ADCY2: variants seen among roughly 807,000 people sequenced by gnomAD.
The protein encoded by ADCY2 is adenylate cyclase 2, also known as adenylate cyclase type 2.
In ADCY2, 31 loss-of-function variants were observed where a neutral mutation model predicts 125.2. The ratio of observed to expected loss-of-function variants is 0.25; its 90% CI spans 0.19 to 0.33. The LOEUF is 0.33. Among genes scored for constraint, ADCY2 ranks in the 10% least tolerant of loss-of-function variants. ADCY2 has a pLI of 1.00. For synonymous variants in ADCY2, 512 were observed against 548.4 expected, an observed-to-expected ratio of 0.93 and a Z score of 0.93; for missense variants, 904 against 1,418.2, an observed-to-expected ratio of 0.64 and a Z score of 5.82.
chr5:7,492,712 T>G (rs1743206540), intron 2 of ADCY2, among the ~76,000 whole-genome samples: 1 of 151,432 alleles, frequency 6.6e-6, no homozygotes, highest in Non-Finnish European at 1.5e-5. Context: ...GTTAATGGAG[T>G]GACTTGCAGA....
intron 22 of ADCY2, among the ~76,000 whole-genome samples, chr5:7,804,970 A>G (rs1744711614): frequency 6.6e-6 from 1 of 152,144 alleles, no homozygotes; most frequent in African/African-American, 2.4e-5. Context: ...GATGAAAGCT[A>G]GTTATTTGAA....
At chr5:7,762,615 G>T (rs1743258877) in intron 16 of ADCY2, among the ~76,000 whole-genome samples, 1 of 152,234 alleles carries the variant, frequency 6.6e-6, no homozygotes, top group South Asian at 2.1e-4. Flanking sequence ...TTACCTACAT[G>T]CAGTTCAATG....
chr5:7,460,449 A>G (rs975298024), intron 2 of ADCY2, among the ~76,000 whole-genome samples: 1 of 152,154 alleles, frequency 6.6e-6, no homozygotes, highest in African/African-American at 2.4e-5. Context: ...CTCTTTTACT[A>G]TAGTTGTTTT....
intron 15 of ADCY2, chr5:7,749,728 T>G (rs1742742420): frequency 2.6e-5 from 4 of 152,166 alleles, no homozygotes; most frequent in Admixed American, 2.6e-4. Flanking sequence ...AATTTTTCTC[T>G]CAGTGTTGTT....
At chr5:7,699,081 A>ATTTTTTTTTTTTTTTTTTTTTT (rs561359357) in intron 7 of ADCY2, among the ~76,000 whole-genome samples, 1 of 37,964 alleles carries the variant, frequency 2.6e-5, no homozygotes, top group Non-Finnish European at 4.7e-5. Flanking sequence ...AACAGTAAGC[A>ATTTTTTTTTTTTTTTTTTTTTT]TTTTTTTTTT....
intron 4 of ADCY2, among the ~76,000 whole-genome samples, chr5:7,636,818 AGTG>A (rs1387159651): frequency 1.3e-5 from 2 of 152,166 alleles, no homozygotes; most frequent in Non-Finnish European, 2.9e-5. Flanking sequence ...GGTGGTCACC[AGTG>A]GCCTGGACAA....
intron 3 of ADCY2, 83 bp from the exon 4 acceptor site, chr5:7,626,084 T>A: frequency 1.4e-6 from 2 of 1,440,400 alleles, no homozygotes; most frequent in Non-Finnish European, 1.9e-6. Context: ...CTCTGAAGAC[T>A]GTTGCTAATG....
intron 3 of ADCY2, among the ~76,000 whole-genome samples, chr5:7,588,214 G>A (rs1421971676): frequency 6.6e-6 from 1 of 151,788 alleles, no homozygotes. Context: ...GGAATGTTTT[G>A]GAAAAAATTA....
At chr5:7,603,784 CTTTTTTTTTT>C in intron 3 of ADCY2, among the ~76,000 whole-genome samples, 44 of 62,806 alleles carry the variant, frequency 7.0e-4, no homozygotes, top group South Asian at 2.0e-3. Context: ...TGCTCTCTTT[CTTTTTTTTTT>C]TTTTTTTTTT....
At chr5:7,757,667 A>ATGGTAAGCCCCAGAGCATG (rs113634537) in intron 16 of ADCY2, 81 bp downstream of exon 16, 2 of 1,277,738 alleles carry the variant, frequency 1.6e-6, no homozygotes, top group African/African-American at 2.5e-5. Context: ...CCCAGACCAC[A>ATGGTAAGCCCCAGAGCATG]GCCGTGTTCA....
At chr5:7,593,425 C>CAGAAAAGGCGTGG (rs1354312923) in intron 3 of ADCY2, among the ~76,000 whole-genome samples, 1 of 152,130 alleles carries the variant, frequency 6.6e-6, no homozygotes, top group Non-Finnish European at 1.5e-5. Flanking sequence ...CGCATGCAAA[C>CAGAAAAGGCGTGG]AGAAAAGGCG....
At chr5:7,811,191 TG>T (rs1744932033) in intron 22 of ADCY2, among the ~76,000 whole-genome samples, 1 of 152,154 alleles carries the variant, frequency 6.6e-6, no homozygotes, top group Non-Finnish European at 1.5e-5. Context: ...GTGTCAGCAC[TG>T]GTGTTGCTTC....
intron 3 of ADCY2, among the ~76,000 whole-genome samples, chr5:7,563,551 A>G (rs1735794411): frequency 6.6e-6 from 1 of 152,184 alleles, no homozygotes. Flanking sequence ...CATTCATAGC[A>G]GTCCTAATCA....
At chr5:7,435,595 T>C (rs758042649) in intron 2 of ADCY2, among the ~76,000 whole-genome samples, 1 of 152,194 alleles carries the variant, frequency 6.6e-6, no homozygotes, top group Non-Finnish European at 1.5e-5. Flanking sequence ...CAAAACGATT[T>C]CTTATAGTTC....
intron 2 of ADCY2, among the ~76,000 whole-genome samples, chr5:7,416,321 G>A (rs771900595): frequency 5.9e-5 from 9 of 152,140 alleles, no homozygotes; most frequent in South Asian, 2.1e-4. Context: ...CCCGGCGGGC[G>A]CCATCACCTC....
chr5:7,764,809 G>T (rs554062432), intron 16 of ADCY2, among the ~76,000 whole-genome samples: 1 of 152,236 alleles, frequency 6.6e-6, no homozygotes, highest in East Asian at 1.9e-4. Context: ...GGTGGGCAAG[G>T]GATTAGTAAC....
At chr5:7,681,027 G>A (rs977307483) in intron 4 of ADCY2, among the ~76,000 whole-genome samples, 1 of 152,218 alleles carries the variant, frequency 6.6e-6, no homozygotes, top group African/African-American at 2.4e-5. Flanking sequence ...AGCTACAGCA[G>A]AAGAACACCT....
intron 2 of ADCY2, among the ~76,000 whole-genome samples, chr5:7,429,099 T>C: frequency 6.6e-6 from 1 of 152,126 alleles, no homozygotes; most frequent in African/African-American, 2.4e-5. Context: ...GGCACATGCC[T>C]AAGAGCAATC....
intron 2 of ADCY2, among the ~76,000 whole-genome samples, chr5:7,440,980 G>A (rs184951476): frequency 1.3e-5 from 2 of 152,248 alleles, no homozygotes; most frequent in African/African-American, 4.8e-5. Context: ...GGAAGTTAGC[G>A]CAGGCAGGGA....
Sources: gnomAD v4.1 joint callset for allele counts (sites outside exome capture counted in the v4.1 genomes callset) on GRCh38, gnomAD v4.1.1 for gene constraint, MANE v1.5 for transcripts, NCBI Gene and HGNC (gene_info 2026-07-23, HGNC 2026-07-21) for gene names.